Variants in TGM6 observed in about 807,000 individuals in gnomAD.
The protein encoded by TGM6 is transglutaminase 6, also known as protein-glutamine gamma-glutamyltransferase 6.
TGM6 carries 74 observed loss-of-function variants against 77.5 expected under a neutral mutation model. The ratio of observed to expected loss-of-function variants is 0.96; its 90% CI spans 0.79 to 1.16. The LOEUF (loss-of-function observed/expected upper bound fraction) is 1.16, where lower values mean the gene tolerates loss of function less well. Ranked by LOEUF, TGM6 falls within the 50% of genes most tolerant of loss-of-function variation. TGM6 has a pLI of 0.00. For synonymous variants in TGM6, 383 were observed against 378.9 expected (o/e 1.01, Z -0.12); for missense variants, 968 against 940.2 (o/e 1.03, Z -0.39).
chr20:2,402,710 G>C (rs1158406825), intron 7 of TGM6, among the ~76,000 whole-genome samples: 1 of 152,144 alleles, frequency 6.6e-6, no homozygotes, highest in Admixed American at 6.5e-5. Context: ...AGCAGGTGAT[G>C]TCATGTTTCC....
Position 2,395,466 on chromosome 20 carries a change from T to A in TGM6, c.424+30T>A. The A allele has an allele frequency of 1.9e-6, 3 of 1,614,068 alleles. No individual in the cohort carries two copies. The South Asian group carries it at 3.3e-5, about 18-fold the overall frequency. On this transcript the variant is annotated intron_variant, in intron 3 of 12. Coordinates refer to ENST00000202625, the MANE Select transcript of TGM6 (RefSeq NM_198994.3). Reference sequence around the variant, plus strand: ...GAGTGGCCAAGTCCAATGCAGAGGTTTTTCCAAAAGACATCCTTAGAGGAG... The same window carrying A: ...GAGTGGCCAAGTCCAATGCAGAGGTATTTCCAAAAGACATCCTTAGAGGAG...
chr20:2,416,767 G>A (rs1249284865), intron 9 of TGM6, among the ~76,000 whole-genome samples: 1 of 152,138 alleles, frequency 6.6e-6, no homozygotes, highest in Non-Finnish European at 1.5e-5. Flanking sequence ...GCCATGTAGA[G>A]AGTGGTAAGG....
intron 9 of TGM6, among the ~76,000 whole-genome samples, chr20:2,409,826 A>T (rs2084773844): frequency 6.6e-6 from 1 of 152,224 alleles, no homozygotes; most frequent in Non-Finnish European, 1.5e-5. Flanking sequence ...GAGCAGAAAA[A>T]TCATAAAAGA....
At chr20:2,413,331 C>T (rs1457662135) in intron 9 of TGM6, among the ~76,000 whole-genome samples, 2 of 152,134 alleles carry the variant, frequency 1.3e-5, no homozygotes, top group Non-Finnish European at 1.5e-5. Context: ...ATTGCTTGAG[C>T]CTGGGAGGTT....
At chr20:2,432,270 A>G (rs894702905) in intron 12 of TGM6, among the ~76,000 whole-genome samples, 1 of 151,720 alleles carries the variant, frequency 6.6e-6, no homozygotes, top group Admixed American at 6.6e-5. Context: ...CTGGTCTCGA[A>G]CTCCTGACCT....
At chr20:2,414,936 G>A (rs1177348170) in intron 9 of TGM6, among the ~76,000 whole-genome samples, 2 of 133,366 alleles carry the variant, frequency 1.5e-5, no homozygotes, top group Non-Finnish European at 3.1e-5. Context: ...ACAGAATTTG[G>A]GGGGGGGGGT....
At chr20:2,400,545 G>C (rs527804655) in intron 7 of TGM6, 101 bp downstream of exon 7, 26 of 1,549,608 alleles carry the variant, frequency 1.7e-5, no homozygotes, top group Non-Finnish European at 2.3e-5. Context: ...CAGGCCCAGA[G>C]CCCAGCTCTC....
In TGM6 at chr20:2,427,902, C is replaced by T. The variant is rs114579644; in HGVS notation, c.1679-2544C>T. Among the ~76,000 whole-genome samples the T allele has an allele frequency of 7.1e-3, 1,080 of 152,256 alleles. 14 individuals carry two copies. Among genetic ancestry groups the T allele is most frequent in the African/African-American group, 0.025 (1,030 of 41,536 alleles). On this transcript the variant is annotated intron_variant, in intron 10 of 12. Coordinates refer to ENST00000202625, the MANE Select transcript of TGM6 (RefSeq NM_198994.3). Reference sequence around the variant, plus strand: ...TCCCAAGTAGCTGAGACTACAGGCACGTGCCCACAAATTTTGATAAGTTGT... The same window carrying T: ...TCCCAAGTAGCTGAGACTACAGGCATGTGCCCACAAATTTTGATAAGTTGT...
intron 1 of TGM6, among the ~76,000 whole-genome samples, chr20:2,384,094 G>A (rs1353199565): frequency 7.3e-6 from 1 of 136,088 alleles, no homozygotes; most frequent in Non-Finnish European, 1.5e-5. Flanking sequence ...GCGACAGAGT[G>A]AGACTCCGTC....
At chr20:2,384,794 T>C (rs943740943) in intron 1 of TGM6, among the ~76,000 whole-genome samples, 4 of 152,144 alleles carry the variant, frequency 2.6e-5, no homozygotes, top group African/African-American at 9.7e-5. Context: ...GGAGGGGCTA[T>C]GAGGCTTGGG....
In TGM6 at chr20:2,432,716, TG is replaced by T. The variant is rs2122448355; in HGVS notation, c.*76del. 6.2e-7 allele frequency: 1 copy of T among 1,608,640 alleles called. No individual in the cohort carries two copies. Among genetic ancestry groups the T allele is most frequent in the South Asian group, 1.1e-5 (1 of 90,808 alleles). On this transcript the variant is annotated 3_prime_UTR_variant, in exon 13 of 13. Transcript: ENST00000202625. ...CTGCCCATTCTTTGTCTCTTCCACATGGGAGCCAGGAGGCCTCAGTTAATCC... is the reference window on the plus strand; with the variant it reads ...CTGCCCATTCTTTGTCTCTTCCACATGGAGCCAGGAGGCCTCAGTTAATCC...
intron 1 of TGM6, among the ~76,000 whole-genome samples, chr20:2,392,938 G>T (rs1230683198): frequency 6.6e-6 from 1 of 152,126 alleles, no homozygotes; most frequent in Non-Finnish European, 1.5e-5. Flanking sequence ...TAGATGGCCA[G>T]GTTAGAATCT....
At chr20:2,402,766 G>A (rs998310332) in intron 7 of TGM6, among the ~76,000 whole-genome samples, 3 of 152,076 alleles carry the variant, frequency 2.0e-5, no homozygotes, top group Non-Finnish European at 4.4e-5. Context: ...AATAAGGCTG[G>A]AATTACCAGA....
chr20:2,426,365 C>A (rs2084887735), intron 10 of TGM6, among the ~76,000 whole-genome samples: 1 of 152,062 alleles, frequency 6.6e-6, no homozygotes, highest in Non-Finnish European at 1.5e-5. Flanking sequence ...TACCCTGTAA[C>A]CTTGCTATTA....
At chr20:2,399,818 T>G (rs2084694311) in intron 6 of TGM6, 80 bp downstream of exon 6, 2 of 1,266,286 alleles carry the variant, frequency 1.6e-6, no homozygotes, top group African/African-American at 1.5e-5. Context: ...TATTTGCATA[T>G]GCTGCAACCC....
chr20:2,387,606 C>T (rs563037206), intron 1 of TGM6, among the ~76,000 whole-genome samples: 28 of 152,176 alleles, frequency 1.8e-4, no homozygotes, highest in Middle Eastern at 3.2e-3. Flanking sequence ...TTATTGAGAC[C>T]ACAGCACCAG....
chr20:2,418,850 G>A (rs1299819347), intron 10 of TGM6, among the ~76,000 whole-genome samples: 1 of 152,126 alleles, frequency 6.6e-6, no homozygotes, highest in African/African-American at 2.4e-5. Flanking sequence ...GCCAAGGCGG[G>A]TGGATCACGA....
At chr20:2,409,722 AG>A (rs1165612026) in intron 9 of TGM6, among the ~76,000 whole-genome samples, 5 of 151,816 alleles carry the variant, frequency 3.3e-5, no homozygotes, top group Admixed American at 2.0e-4. Context: ...AAAAAAAAAA[AG>A]AACCTAGAAA....
intron 9 of TGM6, among the ~76,000 whole-genome samples, chr20:2,415,329 G>C (rs542266913): frequency 1.3e-5 from 2 of 152,258 alleles, no homozygotes; most frequent in South Asian, 4.1e-4. Context: ...CATGCCACAG[G>C]TTTCAAATAG....
Sources: gnomAD v4.1 joint callset for allele counts (sites outside exome capture counted in the v4.1 genomes callset) on GRCh38, gnomAD v4.1.1 for gene constraint, MANE v1.5 for transcripts, NCBI Gene and HGNC (gene_info 2026-07-23, HGNC 2026-07-21) for gene names.